Variants in CACNA2D4 observed in about 807,000 individuals in gnomAD.
CACNA2D4 encodes calcium voltage-gated channel auxiliary subunit alpha2delta 4.
CACNA2D4 carries 157 observed loss-of-function variants against 163.8 expected under a neutral mutation model. That is an observed-to-expected ratio of 0.96 (90% CI 0.84 to 1.09). The LOEUF (loss-of-function observed/expected upper bound fraction) is 1.09. Among genes scored for constraint, CACNA2D4 ranks in the 50% least tolerant of loss-of-function variants. The pLI is 0.00. For missense variants in CACNA2D4, 1,410 were observed against 1,479.9 expected (o/e 0.95, Z 0.78); for synonymous variants, 598 against 586.9 (o/e 1.02, Z -0.27).
intron 3 of CACNA2D4, 47 bp downstream of exon 3, chr12:1,912,976 T>C (rs751943093): frequency 8.0e-7 from 1 of 1,252,164 alleles, no homozygotes; most frequent in Admixed American, 1.7e-5. Context: ...GCCACCTGCG[T>C]CATGGGGCTG....
intron 6 of CACNA2D4, 137 bp downstream of exon 6, chr12:1,907,303 G>T: frequency 1.4e-6 from 1 of 706,170 alleles, no homozygotes; most frequent in Non-Finnish European, 2.3e-6. Flanking sequence ...GCTAAAGTGT[G>T]GGCTTGGAGA....
At chr12:1,911,203 T>C (rs1180248254) in intron 3 of CACNA2D4, among the ~76,000 whole-genome samples, 1 of 152,118 alleles carries the variant, frequency 6.6e-6, no homozygotes, top group African/African-American at 2.4e-5. Flanking sequence ...TTTGTATTTT[T>C]AGTAGAGACA....
At chr12:1,818,605 T>C (rs908596211) in intron 26 of CACNA2D4, among the ~76,000 whole-genome samples, 28 of 151,190 alleles carry the variant, frequency 1.9e-4, no homozygotes, top group Non-Finnish European at 3.5e-4. Context: ...CACTCCCTAA[T>C]CTCAAGTACC....
At position 1,829,368 on chromosome 12, in the gene CACNA2D4, A is replaced by G. The variant is rs1290786986; in HGVS notation, c.2551+11371T>C. Among the ~76,000 whole-genome samples, 1 of 152,032 alleles carries G rather than the reference A, an allele frequency of 6.6e-6. No individual in the cohort carries two copies. The highest frequency in any genetic ancestry group is 2.4e-5 in the African/African-American group (1 of 41,384). On this transcript the variant is annotated intron_variant, in intron 26 of 37. Coordinates refer to ENST00000382722, the MANE Select transcript of CACNA2D4 (RefSeq NM_172364.5). This position sits in a 1 kb window ranked among gnomAD's most constrained non-coding sequence, Gnocchi z 4.2. Reference sequence around the variant, plus strand: ...TGGGGTGGTGGTATGGGGCTGGCTGATCTGGTAGCAGACGGGCTCAGAGGG... The same window carrying G: ...TGGGGTGGTGGTATGGGGCTGGCTGGTCTGGTAGCAGACGGGCTCAGAGGG...
At chr12:1,842,925 T>C (rs1355144789) in intron 25 of CACNA2D4, among the ~76,000 whole-genome samples, 1 of 152,134 alleles carries the variant, frequency 6.6e-6, no homozygotes, top group African/African-American at 2.4e-5. Flanking sequence ...CCTCCCTCTT[T>C]CCTTACATTC....
In CACNA2D4 at chr12:1,913,093, C is replaced by T. The variant is rs1866874285; in HGVS notation, c.356G>A (p.Gly119Asp). ...ESSLKIEEVD[G>D]LELVRKFSED... ...TGAGAACTTCCTCACCAGCTCCAAG[C>T]CATCCACCTCCTCGATCTTCAGACT... The change falls in exon 3 of 38, where the codon GGC (glycine) becomes GAC (aspartate). Residue 119 changes from glycine to aspartate, a missense_variant. By Grantham distance (94) the Gly-to-Asp change is moderately conservative. Coordinates refer to ENST00000382722, the MANE Select transcript of CACNA2D4 (RefSeq NM_172364.5). 1 of 1,613,932 alleles carries T rather than the reference C, an allele frequency of 6.2e-7. No homozygotes were observed. Among genetic ancestry groups the T allele is most frequent in the South Asian group, 1.1e-5 (1 of 91,084 alleles).
At chr12:1,810,625 T>A in intron 27 of CACNA2D4, 38 bp from the exon 28 acceptor site, 1 of 1,547,462 alleles carries the variant, frequency 6.5e-7, no homozygotes, top group South Asian at 1.2e-5. Context: ...GGACACTGCA[T>A]GTGTAGTAGA....
rs1482744688 is a variant in CACNA2D4, at chr12:1,828,377, A to G, written c.2551+12362T>C. 6.6e-6 allele frequency among the ~76,000 whole-genome samples: 1 copy of G among 152,238 alleles called. No homozygotes were observed. Among genetic ancestry groups the G allele is most frequent in the African/African-American group, 2.4e-5 (1 of 41,468 alleles). ...GGCTATGTTCTGGGAAGCCAGGGTCACGCCCACGGTGACAGCATCCCTGCC... is the reference window on the plus strand; with the variant it reads ...GGCTATGTTCTGGGAAGCCAGGGTCGCGCCCACGGTGACAGCATCCCTGCC... On this transcript the variant is annotated intron_variant, in intron 26 of 37. Coordinates refer to ENST00000382722, the MANE Select transcript of CACNA2D4 (RefSeq NM_172364.5). The surrounding 1 kb of genome is among the most constrained non-coding windows in gnomAD (Gnocchi z 4.2).
At chr12:1,867,748 C>CA (rs57165831) in intron 18 of CACNA2D4, among the ~76,000 whole-genome samples, 147,577 of 151,688 alleles carry the variant, frequency 0.97, 71,742 homozygotes, top group Non-Finnish European at 1. Flanking sequence ...AACTCAACAG[C>CA]AAAAAAACCA....
rs1863032994 is a variant in CACNA2D4 at position 1,793,574 on chromosome 12, C to T, written c.*81G>A. 7.9e-7 allele frequency: 1 copy of T among 1,262,988 alleles called. No homozygotes were observed. The highest frequency in any genetic ancestry group is 1.2e-6 in the Non-Finnish European group (1 of 865,106). The allele number at this position is 1,262,988 out of a possible 1,614,324, so 78.2% of individuals were successfully genotyped here. Reference sequence around the variant, plus strand: ...CTGGGGGCGACCCAACTGCAGTTAGCTGCATCCCATGTCAGTGCTGACTTT... The same window carrying T: ...CTGGGGGCGACCCAACTGCAGTTAGTTGCATCCCATGTCAGTGCTGACTTT... On this transcript the variant is annotated 3_prime_UTR_variant, in exon 38 of 38. Coordinates refer to ENST00000382722, the MANE Select transcript of CACNA2D4 (RefSeq NM_172364.5).
At chr12:1,914,709 T>G (rs892632205) in intron 2 of CACNA2D4, 145 bp downstream of exon 2, 2 of 626,648 alleles carry the variant, frequency 3.2e-6, no homozygotes, top group African/African-American at 3.7e-5. Flanking sequence ...AGAAAATCAT[T>G]CACCTCCCTG....
At chr12:1,867,858 T>C (rs1351199633) in intron 18 of CACNA2D4, among the ~76,000 whole-genome samples, 1 of 152,124 alleles carries the variant, frequency 6.6e-6, no homozygotes, top group African/African-American at 2.4e-5. Context: ...CAACAGATAT[T>C]TGAAAAGCTG....
intron 26 of CACNA2D4, among the ~76,000 whole-genome samples, chr12:1,830,583 C>T (rs879825320): frequency 2.0e-5 from 3 of 152,162 alleles, no homozygotes; most frequent in African/African-American, 4.8e-5. Context: ...CCAAACTCCC[C>T]GGGAGATGAC....
At chr12:1,836,043 G>A (rs1340957833) in intron 26 of CACNA2D4, 1 of 152,174 alleles carries the variant, frequency 6.6e-6, no homozygotes, top group Non-Finnish European at 1.5e-5. Flanking sequence ...AGGAGCAGGA[G>A]CGGGTGGCCA....
intron 31 of CACNA2D4, 112 bp downstream of exon 31, chr12:1,800,931 C>T (rs1467637981): frequency 4.2e-6 from 4 of 956,536 alleles, no homozygotes; most frequent in Admixed American, 3.8e-5. Flanking sequence ...AAGGTAGGGC[C>T]CTGGGGCCAG....
chr12:1,897,054 G>A (rs1866426248), intron 6 of CACNA2D4, among the ~76,000 whole-genome samples: 1 of 126,558 alleles, frequency 7.9e-6, no homozygotes, highest in African/African-American at 3.2e-5. Context: ...CACTGGGCCG[G>A]GAGCGGTGGC....
intron 6 of CACNA2D4, among the ~76,000 whole-genome samples, chr12:1,892,579 C>A (rs530348449): frequency 1.8e-3 from 275 of 152,132 alleles, no homozygotes; most frequent in African/African-American, 6.3e-3. Flanking sequence ...AAGAAAAGAA[C>A]AAAGGATACC....
At chr12:1,882,815 G>T in intron 13 of CACNA2D4, 52 bp downstream of exon 13, 1 of 1,602,442 alleles carries the variant, frequency 6.2e-7, no homozygotes, top group Non-Finnish European at 8.5e-7. Context: ...ACTCCCTGGG[G>T]TCCCTAACTC....
At chr12:1,830,965 T>C in intron 26 of CACNA2D4, 2 of 1,612,702 alleles carry the variant, frequency 1.2e-6, no homozygotes, top group Non-Finnish European at 1.7e-6. Context: ...CTGTATGCTG[T>C]GGAGGCCCTC....
Sources: gnomAD v4.1 joint callset for allele counts (sites outside exome capture counted in the v4.1 genomes callset) on GRCh38, gnomAD v4.1.1 for gene constraint, Gnocchi (gnomAD v3.1) non-coding constraint, MANE v1.5 for transcripts, NCBI Gene and HGNC (gene_info 2026-07-23, HGNC 2026-07-21) for gene names.